Variants in MSRB2 observed in about 807,000 individuals in gnomAD.
MSRB2 encodes methionine-R-sulfoxide reductase B2, mitochondrial.
A neutral mutation model predicts 19.0 loss-of-function variants in MSRB2; 17 were observed. The observed-to-expected ratio is 0.89, with a 90% CI of 0.61 to 1.34. The LOEUF (loss-of-function observed/expected upper bound fraction) is 1.34. MSRB2 is among the 40% of genes most tolerant of loss of function. The pLI, the probability that MSRB2 is intolerant of heterozygous loss-of-function variation, is 0.00. For synonymous variants in MSRB2, 107 were observed against 99.7 expected (o/e 1.07, Z -0.44); for missense variants, 208 against 237.6 (o/e 0.88, Z 0.82).
intron 1 of MSRB2, 50 bp downstream of exon 1, chr10:23,095,776 C>G (rs1839854310): frequency 8.5e-7 from 1 of 1,178,996 alleles, no homozygotes; most frequent in African/African-American, 1.6e-5. Context: ...CTTTCGGCTT[C>G]ATTTCACCGG....
Position 23,110,183 on chromosome 10 carries a change from T to C in MSRB2, c.220-59T>C, listed in dbSNP as rs541946322. ...ACTTACCCAGGATTTAAATCTGCTG[T>C]TTCAACTCCTGCCAGTAGTATGAGA... On this transcript the variant is annotated intron_variant, in intron 2 of 4. Coordinates refer to ENST00000376510, the MANE Select transcript of MSRB2 (RefSeq NM_012228.4). The C allele has an allele frequency of 8.1e-6, 11 of 1,364,580 alleles. No individual in the cohort carries two copies. The East Asian group carries it at 2.5e-4, about 31-fold the overall frequency. The allele number at this position is 1,364,580 out of a possible 1,614,324, so 84.5% of individuals were successfully genotyped here.
chr10:23,111,408 C>A (rs923753189), intron 3 of MSRB2, among the ~76,000 whole-genome samples: 1 of 152,178 alleles, frequency 6.6e-6, no homozygotes, highest in East Asian at 1.9e-4. Flanking sequence ...ATGCTGCCAG[C>A]GTGTCAAGGG....
intron 2 of MSRB2, 24 bp from the exon 3 acceptor site, chr10:23,110,217 CA>C (rs770491403): frequency 6.3e-7 from 1 of 1,583,040 alleles, no homozygotes; most frequent in Non-Finnish European, 8.7e-7. Context: ...GAAATCTGAA[CA>C]TGACATATCT....
In MSRB2 at chr10:23,121,084, G is replaced by C. The variant is rs920182294; in HGVS notation, c.*222G>C. ...AAAGAAGTACCTGATCAGGATCTGG[G>C]AGAATTTGAAAAAAAAAGAAAAACT... On this transcript the variant is annotated 3_prime_UTR_variant, in exon 5 of 5. Transcript: ENST00000376510. 30 of 406,288 alleles carry C rather than the reference G, an allele frequency of 7.4e-5. No homozygotes were observed. The highest frequency in any genetic ancestry group is 1.3e-4 in the Non-Finnish European group (29 of 230,682). The allele number at this position is 406,288 out of a possible 1,614,324, so 25.2% of individuals were successfully genotyped here. A position where few individuals can be genotyped will look rare whatever the true frequency, so the allele number is the denominator to read the frequency against.
At chr10:23,107,162 GC>G (rs1373301350) in intron 2 of MSRB2, among the ~76,000 whole-genome samples, 8 of 152,148 alleles carry the variant, frequency 5.3e-5, no homozygotes, top group Non-Finnish European at 8.8e-5. Flanking sequence ...GTGGCATCTT[GC>G]CCCATTCCAG....
chr10:23,120,892 C>A lies in MSRB2; in HGVS notation c.*30C>A. ...CTTCAAGAGTCCCGTTCCCTTGCCA[C>A]CCCTTCACGTGCACCCTCAATTTCC... On this transcript the variant is annotated 3_prime_UTR_variant, in exon 5 of 5. Transcript: ENST00000376510. 1 of 1,527,750 alleles carries A rather than the reference C, an allele frequency of 6.5e-7. No individual in the cohort carries two copies. Among genetic ancestry groups the A allele is most frequent in the South Asian group, 1.1e-5 (1 of 87,928 alleles). The allele number at this position is 1,527,750 out of a possible 1,614,324, so 94.6% of individuals were successfully genotyped here. A position where few individuals can be genotyped will look rare whatever the true frequency, so the allele number is the denominator to read the frequency against.
chr10:23,099,606 C>G (rs1324270946), intron 1 of MSRB2, among the ~76,000 whole-genome samples: 3 of 152,132 alleles, frequency 2.0e-5, no homozygotes, highest in East Asian at 1.9e-4. Flanking sequence ...GTAGTCTCAG[C>G]TACTTGGGAG....
chr10:23,095,803 AGGG>A, intron 1 of MSRB2, 77 bp downstream of exon 1: 3 of 1,038,330 alleles, frequency 2.9e-6, no homozygotes, highest in Non-Finnish European at 3.7e-6. Flanking sequence ...CCGGGAGCCT[AGGG>A]CCGGTCCAGG....
At chr10:23,100,559 T>C (rs1483075732) in intron 1 of MSRB2, among the ~76,000 whole-genome samples, 1 of 152,146 alleles carries the variant, frequency 6.6e-6, no homozygotes, top group African/African-American at 2.4e-5. Flanking sequence ...CTTACAATCA[T>C]GATGTAAGGT....
At position 23,120,961 on chromosome 10, in the gene MSRB2, C is replaced by A; in HGVS notation, c.*99C>A. ...TTGTTTTATTTGCAATAAAACTGGG[C>A]TGAATTTGCTGCTGTCTCCAGCGAG... On this transcript the variant is annotated 3_prime_UTR_variant, in exon 5 of 5. Transcript: ENST00000376510. 1.2e-6 allele frequency: 1 copy of A among 866,392 alleles called. No homozygotes were observed. Among genetic ancestry groups the A allele is most frequent in the Non-Finnish European group, 1.8e-6 (1 of 550,252 alleles). The allele number at this position is 866,392 out of a possible 1,614,324, so 53.7% of individuals were successfully genotyped here.
chr10:23,116,088 T>C (rs1840106829), intron 3 of MSRB2, among the ~76,000 whole-genome samples: 1 of 152,066 alleles, frequency 6.6e-6, no homozygotes, highest in South Asian at 2.1e-4. Context: ...ATTCCATAGA[T>C]TTCTGGTATT....
chr10:23,110,260 C>T lies in MSRB2; in HGVS notation c.238C>T (p.Leu80=), dbSNP rs773009503. 7 of 1,613,506 alleles carry T rather than the reference C, an allele frequency of 4.3e-6. No individual in the cohort carries two copies. The highest frequency in any genetic ancestry group is 5.9e-6 in the Non-Finnish European group (7 of 1,179,720). The change falls in exon 3 of 5, where the codon CTG becomes TTG. Residue 80 remains leucine (L), a synonymous_variant. Coordinates refer to ENST00000376510, the MANE Select transcript of MSRB2 (RefSeq NM_012228.4). The part of the protein sequence containing the change: ...GTEPPFSGIY[L]NNKEAGMYHC... ...CTTTCAGCCTTTCAGTGGGATCTAC[C>T]TGAATAACAAGGAAGCAGGAATGTA...
chr10:23,101,967 G>A (rs1240426231), intron 1 of MSRB2, among the ~76,000 whole-genome samples: 1 of 152,122 alleles, frequency 6.6e-6, no homozygotes, highest in Non-Finnish European at 1.5e-5. Flanking sequence ...TGTCTTTCAT[G>A]ACCTTTACAG....
chr10:23,110,325 T>A lies in MSRB2; in HGVS notation c.296+7T>A, dbSNP rs1381698490. On this transcript the variant is annotated splice_region_variant and intron_variant, in intron 3 of 4. Transcript: ENST00000376510. Reference sequence around the variant, plus strand: ...GCGACAGTCCACTCTTCAGGTAAGATAAAGAATTGAGAGCCACGGAAGGAG... The same window carrying A: ...GCGACAGTCCACTCTTCAGGTAAGAAAAAGAATTGAGAGCCACGGAAGGAG... 6.2e-7 allele frequency: 1 copy of A among 1,612,452 alleles called. No homozygotes were observed.
At chr10:23,105,820 G>A (rs1014683374) in intron 2 of MSRB2, among the ~76,000 whole-genome samples, 4 of 152,176 alleles carry the variant, frequency 2.6e-5, no homozygotes, top group African/African-American at 9.7e-5. Flanking sequence ...CAATGCTAAA[G>A]TCATCAGAAG....
chr10:23,103,304 G>T (rs111743245), intron 1 of MSRB2, among the ~76,000 whole-genome samples: 59 of 152,308 alleles, frequency 3.9e-4, no homozygotes, highest in Admixed American at 8.5e-4. Context: ...TTCATCTTCA[G>T]TGCCATAGTC....
chr10:23,099,276 C>T (rs975658339), intron 1 of MSRB2, among the ~76,000 whole-genome samples: 2 of 152,208 alleles, frequency 1.3e-5, no homozygotes, highest in African/African-American at 4.8e-5. Flanking sequence ...ACTGAGCGTT[C>T]ATCATTTTGC....
At position 23,121,176 on chromosome 10, in the gene MSRB2, GTTTAA is replaced by G. The variant is rs757631117; in HGVS notation, c.*317_*321del. 5 of 274,604 alleles carry G rather than the reference GTTTAA, an allele frequency of 1.8e-5. No individual in the cohort carries two copies. The East Asian group carries it at 2.2e-4, about 12-fold the overall frequency. The allele number at this position is 274,604 out of a possible 1,614,324, so 17.0% of individuals were successfully genotyped here. On this transcript the variant is annotated 3_prime_UTR_variant, in exon 5 of 5. Coordinates refer to ENST00000376510, the MANE Select transcript of MSRB2 (RefSeq NM_012228.4). ...ACTGAGTAACTTATAAAGAAAAGAG[GTTTAA>G]TTGACTCACAGTTCTGCAGGGTGTA...
chr10:23,121,053 T>C lies in MSRB2; in HGVS notation c.*191T>C, dbSNP rs566343214. 2 of 481,200 alleles carry C rather than the reference T, an allele frequency of 4.2e-6. No individual in the cohort carries two copies. Among genetic ancestry groups the C allele is most frequent in the East Asian group, 6.4e-5 (2 of 31,450 alleles). The allele number at this position is 481,200 out of a possible 1,614,324, so 29.8% of individuals were successfully genotyped here. A position where few individuals can be genotyped will look rare whatever the true frequency, so the allele number is the denominator to read the frequency against. Reference sequence around the variant, plus strand: ...CCTGTGTGTTAGGCTGTTCTTGTGTTGCTATAAAGAAGTACCTGATCAGGA... The same window carrying C: ...CCTGTGTGTTAGGCTGTTCTTGTGTCGCTATAAAGAAGTACCTGATCAGGA... On this transcript the variant is annotated 3_prime_UTR_variant, in exon 5 of 5. Transcript: ENST00000376510.
Sources: gnomAD v4.1 joint callset for allele counts (sites outside exome capture counted in the v4.1 genomes callset) on GRCh38, gnomAD v4.1.1 for gene constraint, MANE v1.5 for transcripts, NCBI Gene and HGNC (gene_info 2026-07-23, HGNC 2026-07-21) for gene names.